Variants in SOX5 observed in about 807,000 individuals in gnomAD.
The protein encoded by SOX5 is SRY-box transcription factor 5.
SOX5 carries 9 observed loss-of-function variants against 92.0 expected under a neutral mutation model. That is an observed-to-expected ratio of 0.10 (90% CI 0.06 to 0.17). The LOEUF (loss-of-function observed/expected upper bound fraction) is 0.17. Ranked by LOEUF, SOX5 falls within the 10% of genes least tolerant of loss-of-function variation. The probability of loss-of-function intolerance (pLI) is 1.00; values close to 1 mark genes in which losing one functional copy is unlikely to be tolerated. For synonymous variants in SOX5, 344 were observed against 336.3 expected (o/e 1.02, Z -0.25); for missense variants, 642 against 944.5 (o/e 0.68, Z 4.20).
At chr12:23,977,663 CAA>C (rs11287193) in intron 4 of SOX5, among the ~76,000 whole-genome samples, 41 of 129,500 alleles carry the variant, frequency 3.2e-4, no homozygotes, top group East Asian at 7.0e-4. Flanking sequence ...CGTTCTGTCT[CAA>C]AAAAAAAAAA....
intron 4 of SOX5, among the ~76,000 whole-genome samples, chr12:23,744,637 AAAT>A (rs1263315540): frequency 6.6e-6 from 1 of 152,188 alleles, no homozygotes; most frequent in African/African-American, 2.4e-5. Flanking sequence ...TCATATTAGT[AAAT>A]AATGATAAAA....
intron 9 of SOX5, among the ~76,000 whole-genome samples, chr12:23,579,454 G>T (rs60942352): frequency 0.043 from 6,480 of 151,844 alleles, 459 homozygotes; most frequent in African/African-American, 0.15. Context: ...ATATTATTTC[G>T]CAATTTTGTT....
chr12:24,223,137 G>A (rs1466503890), intron 3 of SOX5: 1 of 152,166 alleles, frequency 6.6e-6, no homozygotes. Flanking sequence ...CTTCCAGACA[G>A]ATGAAATTAT....
intron 1 of SOX5, among the ~76,000 whole-genome samples, chr12:24,407,090 C>CA (rs1273990249): frequency 5.4e-4 from 80 of 149,084 alleles, no homozygotes; most frequent in African/African-American, 8.1e-4. Flanking sequence ...ATGCAAAAAA[C>CA]AAAAAAAAAG....
chr12:23,875,793 C>T (rs2096921235), intron 2 of SOX5, among the ~76,000 whole-genome samples: 1 of 152,140 alleles, frequency 6.6e-6, no homozygotes, highest in Non-Finnish European at 1.5e-5. Context: ...TTATCAAAGA[C>T]CTTTTTGAGA....
chr12:23,601,119 G>C (rs1024464926), intron 9 of SOX5, among the ~76,000 whole-genome samples: 3 of 151,864 alleles, frequency 2.0e-5, no homozygotes, highest in African/African-American at 7.3e-5. Flanking sequence ...TTTCTCTCTC[G>C]CGCACACACT....
At chr12:24,482,097 G>A (rs922815368) in intron 1 of SOX5, among the ~76,000 whole-genome samples, 5 of 151,994 alleles carry the variant, frequency 3.3e-5, no homozygotes, top group Non-Finnish European at 5.9e-5. Flanking sequence ...CCTTCGCCTC[G>A]GTAACCATCC....
chr12:24,079,448 A>T (rs1247552796), intron 4 of SOX5, among the ~76,000 whole-genome samples: 2 of 152,076 alleles, frequency 1.3e-5, no homozygotes, highest in Non-Finnish European at 2.9e-5. Context: ...GTATGACATG[A>T]AAATAAATAG....
intron 3 of SOX5, among the ~76,000 whole-genome samples, chr12:23,829,929 A>T (rs140791371): frequency 6.6e-6 from 1 of 152,168 alleles, no homozygotes; most frequent in African/African-American, 2.4e-5. Context: ...TGATTTTCTT[A>T]TAAAGACAAC....
At chr12:23,768,555 C>T (rs2094815654) in intron 3 of SOX5, among the ~76,000 whole-genome samples, 2 of 152,054 alleles carry the variant, frequency 1.3e-5, no homozygotes, top group African/African-American at 2.4e-5. Context: ...TGAAACATTG[C>T]TAGTAATTAG....
chr12:24,519,501 A>G (rs2138449674), intron 1 of SOX5, among the ~76,000 whole-genome samples: 2 of 152,314 alleles, frequency 1.3e-5, no homozygotes, highest in East Asian at 3.9e-4. Flanking sequence ...AAAAAACTAA[A>G]GATGAGTATA....
intron 4 of SOX5, among the ~76,000 whole-genome samples, chr12:24,074,643 A>AAAAAAAAAAAAAAAG (rs1942281373): frequency 6.6e-6 from 1 of 150,740 alleles, no homozygotes; most frequent in Non-Finnish European, 1.5e-5. Flanking sequence ...AAAAAAAAAA[A>AAAAAAAAAAAAAAAG]AAAAAAAAAA....
intron 4 of SOX5, among the ~76,000 whole-genome samples, chr12:24,177,919 C>T (rs772293184): frequency 2.6e-5 from 4 of 152,164 alleles, no homozygotes; most frequent in African/African-American, 7.2e-5. Context: ...AGGATCCTTA[C>T]CAAAACATCA....
chr12:24,540,979 T>C (rs1423888456), intron 1 of SOX5, among the ~76,000 whole-genome samples: 1 of 152,196 alleles, frequency 6.6e-6, no homozygotes, highest in Admixed American at 6.5e-5. Flanking sequence ...AACATAACCC[T>C]TTTAATCTTT....
chr12:23,735,346 T>A (rs1422145415), intron 5 of SOX5, among the ~76,000 whole-genome samples: 1 of 152,170 alleles, frequency 6.6e-6, no homozygotes, highest in Non-Finnish European at 1.5e-5. Context: ...ATTTTAAAAT[T>A]CTGAAGTGTT....
intron 10 of SOX5, among the ~76,000 whole-genome samples, chr12:23,568,642 T>C (rs2136473798): frequency 6.6e-6 from 1 of 152,262 alleles, no homozygotes; most frequent in South Asian, 2.1e-4. Flanking sequence ...ATAGACCTTG[T>C]CAGTTGCCCT....
intron 7 of SOX5, among the ~76,000 whole-genome samples, chr12:23,654,765 CT>C (rs1375107868): frequency 6.6e-6 from 1 of 151,944 alleles, no homozygotes; most frequent in African/African-American, 2.4e-5. Flanking sequence ...ACATTTGAAA[CT>C]TTTTATAAGA....
chr12:24,170,390 C>T (rs973783315), intron 4 of SOX5, among the ~76,000 whole-genome samples: 2 of 152,162 alleles, frequency 1.3e-5, no homozygotes, highest in Non-Finnish European at 2.9e-5. Context: ...TCATGAGACC[C>T]AGAGTCCGGT....
intron 2 of SOX5, among the ~76,000 whole-genome samples, chr12:24,322,999 T>A (rs1349946269): frequency 6.6e-6 from 1 of 152,096 alleles, no homozygotes; most frequent in Non-Finnish European, 1.5e-5. Context: ...TTTGTTTTTT[T>A]AAAACAATTT....
Sources: allele counts gnomAD v4.1 joint callset (sites outside exome capture counted in the v4.1 genomes callset), GRCh38; gene constraint gnomAD v4.1.1; transcripts MANE v1.5; gene names NCBI Gene and HGNC (gene_info 2026-07-23, HGNC 2026-07-21).